Variants in DNM3 observed in about 807,000 individuals in gnomAD.
DNM3 encodes dynamin 3.
DNM3 carries 47 observed loss-of-function variants against 101.6 expected under a neutral mutation model. The ratio of observed to expected loss-of-function variants is 0.46; its 90% confidence interval spans 0.37 to 0.59. DNM3 has a LOEUF of 0.59. Ranked by LOEUF, DNM3 falls within the 20% of genes least tolerant of loss-of-function variation. The probability of loss-of-function intolerance (pLI) is 0.00; values close to 1 mark genes in which losing one functional copy is unlikely to be tolerated. For synonymous variants in DNM3, 385 were observed against 387.9 expected (o/e 0.99, Z 0.09); for missense variants, 849 against 1,085.7 (o/e 0.78, Z 3.06).
At chr1:172,232,908 T>C (rs2061393054) in intron 14 of DNM3, among the ~76,000 whole-genome samples, 1 of 152,192 alleles carries the variant, frequency 6.6e-6, no homozygotes, top group Admixed American at 6.5e-5. Flanking sequence ...GGGAAATTTA[T>C]AGCACTAAAT....
At chr1:172,026,874 C>G (rs533124326) in intron 4 of DNM3, among the ~76,000 whole-genome samples, 1 of 152,172 alleles carries the variant, frequency 6.6e-6, no homozygotes, top group East Asian at 1.9e-4. Context: ...AGGATGGTCT[C>G]GATCTCCTGA....
chr1:172,385,239 ATTTC>A (rs951243722), intron 18 of DNM3, among the ~76,000 whole-genome samples: 12 of 152,320 alleles, frequency 7.9e-5, no homozygotes, highest in African/African-American at 2.9e-4. Flanking sequence ...CTTCTAACAG[ATTTC>A]TTTATTTTCA....
chr1:171,937,149 C>A (rs2041488528), intron 2 of DNM3, among the ~76,000 whole-genome samples: 1 of 152,128 alleles, frequency 6.6e-6, no homozygotes, highest in Non-Finnish European at 1.5e-5. Context: ...ACATTCAAAT[C>A]TTGTTTTGAA....
chr1:172,147,316 A>G (rs1429580104), intron 14 of DNM3, among the ~76,000 whole-genome samples: 1 of 152,120 alleles, frequency 6.6e-6, no homozygotes, highest in East Asian at 1.9e-4. Context: ...TGCCTTAATA[A>G]CTTTTCTTAC....
chr1:172,390,458 G>T (rs796711660), intron 20 of DNM3, among the ~76,000 whole-genome samples: 8 of 152,196 alleles, frequency 5.3e-5, no homozygotes, highest in African/African-American at 1.9e-4. Context: ...CAGTACTGAC[G>T]TTTTTGTTGT....
At chr1:172,333,062 G>C (rs2066257518) in intron 17 of DNM3, among the ~76,000 whole-genome samples, 1 of 152,142 alleles carries the variant, frequency 6.6e-6, no homozygotes, top group South Asian at 2.1e-4. Context: ...GGAGAAACCA[G>C]CAAAATAGAC....
intron 4 of DNM3, among the ~76,000 whole-genome samples, chr1:172,009,123 A>T (rs890044297): frequency 8.1e-6 from 1 of 123,482 alleles, no homozygotes; most frequent in Non-Finnish European, 1.6e-5. Context: ...ATATCATATA[A>T]TATATATATT....
At chr1:172,066,300 CTTTATACAGAAAAGGAA>C (rs1489881488) in intron 10 of DNM3, among the ~76,000 whole-genome samples, 8 of 152,080 alleles carry the variant, frequency 5.3e-5, no homozygotes, top group African/African-American at 1.2e-4. Flanking sequence ...GAATTTATTT[CTTTATACAGAAAAGGAA>C]TTTATACAGA....
At position 172,292,624 on chromosome 1, in the gene DNM3, C is replaced by CACACAT. The variant is rs1553224094; in HGVS notation, c.1770-16104_1770-16103insACACAT. Among the ~76,000 whole-genome samples, 578 of 135,432 alleles carry CACACAT rather than the reference C, an allele frequency of 4.3e-3. 2 individuals are homozygous for CACACAT. The highest frequency in any genetic ancestry group is 0.04 in the Middle Eastern group (11 of 278). 88.8% of individuals were successfully genotyped at this position (135,432 alleles called of 152,430 possible). ...CTTCACACACACACACACACACACA[C>CACACAT]GCGCGTGCGTATATTCCTTACACGC... On this transcript the variant is annotated intron_variant, in intron 15 of 20. Transcript: ENST00000627582.
chr1:171,938,419 T>C (rs1243373330), intron 2 of DNM3, among the ~76,000 whole-genome samples: 5 of 152,208 alleles, frequency 3.3e-5, no homozygotes, highest in African/African-American at 4.8e-5. Context: ...CCAAGGAATT[T>C]CCATGGTCCC....
At chr1:172,028,322 G>A (rs899614443) in intron 4 of DNM3, among the ~76,000 whole-genome samples, 1 of 152,148 alleles carries the variant, frequency 6.6e-6, no homozygotes, top group African/African-American at 2.4e-5. Flanking sequence ...TGACTACTGG[G>A]TAAATAACAA....
chr1:172,367,147 A>G (rs748629149), intron 17 of DNM3, among the ~76,000 whole-genome samples: 3 of 151,848 alleles, frequency 2.0e-5, no homozygotes, highest in Admixed American at 6.6e-5. Context: ...TTAAGCTAAC[A>G]TTAGATTTCT....
At chr1:171,934,248 T>G (rs1263801979) in intron 2 of DNM3, among the ~76,000 whole-genome samples, 3 of 152,256 alleles carry the variant, frequency 2.0e-5, no homozygotes, top group African/African-American at 7.2e-5. Flanking sequence ...TGGCATCTAT[T>G]GAGATGATCA....
chr1:172,055,429 C>A (rs1304854701), intron 10 of DNM3, among the ~76,000 whole-genome samples: 3 of 152,218 alleles, frequency 2.0e-5, no homozygotes, highest in Non-Finnish European at 1.5e-5. Flanking sequence ...CACACACACA[C>A]ACACACCACA....
chr1:172,295,531 T>C (rs545593063), intron 15 of DNM3, among the ~76,000 whole-genome samples: 2 of 152,170 alleles, frequency 1.3e-5, no homozygotes, highest in Non-Finnish European at 2.9e-5. Context: ...TATTCCTGAA[T>C]TGTATGTGTA....
At chr1:172,082,332 T>A (rs575887654) in intron 12 of DNM3, among the ~76,000 whole-genome samples, 216 of 152,234 alleles carry the variant, frequency 1.4e-3, no homozygotes, top group African/African-American at 4.8e-3. Context: ...CCTGTTTTTT[T>A]TTTTTTTTTA....
At chr1:172,369,157 A>G (rs2068187321) in intron 17 of DNM3, among the ~76,000 whole-genome samples, 1 of 151,800 alleles carries the variant, frequency 6.6e-6, no homozygotes, top group Non-Finnish European at 1.5e-5. Flanking sequence ...CAAACCAGAG[A>G]AGGATGCAAG....
chr1:171,884,641 A>G (rs2036604624), intron 1 of DNM3, among the ~76,000 whole-genome samples: 1 of 152,160 alleles, frequency 6.6e-6, no homozygotes, highest in Admixed American at 6.5e-5. Context: ...GGACTCACTC[A>G]TATGGTTGGC....
intron 12 of DNM3, among the ~76,000 whole-genome samples, chr1:172,084,400 CTT>C (rs2053384798): frequency 1.3e-5 from 2 of 152,106 alleles, no homozygotes; most frequent in Admixed American, 1.3e-4. Context: ...GTTATAATGA[CTT>C]AAGTATGATT....
Sources: allele counts gnomAD v4.1 joint callset (sites outside exome capture counted in the v4.1 genomes callset), GRCh38; gene constraint gnomAD v4.1.1; transcripts MANE v1.5; gene names NCBI Gene and HGNC (gene_info 2026-07-23, HGNC 2026-07-21).